TNFRSF6B: variants seen among roughly 807,000 people sequenced by gnomAD.
TNFRSF6B encodes tumor necrosis factor receptor superfamily member 6B.
A neutral mutation model predicts 17.9 loss-of-function variants in TNFRSF6B; 23 were observed. That is an observed-to-expected ratio of 1.28 (90% CI 0.92 to 1.82). The LOEUF (loss-of-function observed/expected upper bound fraction) is 1.82, where lower values mean the gene tolerates loss of function less well. Among genes scored for constraint, TNFRSF6B ranks in the 40% most tolerant of loss-of-function variants. The probability of loss-of-function intolerance (pLI) is 0.00; values close to 1 mark genes in which losing one functional copy is unlikely to be tolerated. For synonymous variants in TNFRSF6B, 291 were observed against 195.8 expected (o/e 1.49, Z -4.06); for missense variants, 555 against 437.2 (o/e 1.27, Z -2.40).
In TNFRSF6B at chr20:63,698,560, C is replaced by G. The variant is rs760930667; in HGVS notation, c.900C>G (p.His300Gln). The change falls in exon 3 of 3, where the codon CAC becomes CAG. Residue 300 changes from histidine (H) to glutamine (Q), a missense_variant. His to Gln is a conservative substitution (Grantham distance 24). Coordinates refer to ENST00000369996, the MANE Select transcript of TNFRSF6B (RefSeq NM_003823.4). Reference protein sequence around the residue: ...RSVRERFLPVH With the variant: ...RSVRERFLPVQ ...TCCGTGAGCGCTTCCTCCCTGTGCACTGATCCTGGCCCCCTCTTATTTATT... is the reference window on the plus strand; with the variant it reads ...TCCGTGAGCGCTTCCTCCCTGTGCAGTGATCCTGGCCCCCTCTTATTTATT... 4 of 1,501,690 alleles carry G rather than the reference C, an allele frequency of 2.7e-6. No homozygotes were observed. The highest frequency in any genetic ancestry group is 2.5e-5 in the Admixed American group (1 of 39,482). The allele number at this position is 1,501,690 out of a possible 1,614,324, so 93.0% of individuals were successfully genotyped here. A position where few individuals can be genotyped will look rare whatever the true frequency, so the allele number is the denominator to read the frequency against.
At position 63,696,835 on chromosome 20, in the gene TNFRSF6B, C is replaced by T. The variant is rs371926409; in HGVS notation, c.68C>T (p.Pro23Leu). The T allele has an allele frequency of 2.0e-5, 32 of 1,610,810 alleles. 1 individual carries two copies. Among genetic ancestry groups the T allele is most frequent in the South Asian group, 7.7e-5 (7 of 90,726 alleles). ...CLVLALPALLPVPAVRGVAET... is the reference protein window; with the variant it reads ...CLVLALPALLLVPAVRGVAET... Reference sequence around the variant, plus strand: ...GTGTTGGCGCTGCCTGCCCTGCTGCCGGTGCCGGCTGTACGCGGAGTGGCA... The same window carrying T: ...GTGTTGGCGCTGCCTGCCCTGCTGCTGGTGCCGGCTGTACGCGGAGTGGCA... The change falls in exon 1 of 3, where the codon CCG becomes CTG. Residue 23 changes from proline (P) to leucine (L), a missense_variant. Coordinates refer to ENST00000369996, the MANE Select transcript of TNFRSF6B (RefSeq NM_003823.4).
chr20:63,697,668 C>T (rs1339647590), intron 2 of TNFRSF6B, 146 bp downstream of exon 2: 2 of 875,136 alleles, frequency 2.3e-6, no homozygotes, highest in African/African-American at 3.4e-5. Flanking sequence ...AGGGGTCCCT[C>T]CACTAGATCC....
chr20:63,697,019 C>G lies in TNFRSF6B; in HGVS notation c.252C>G (p.Tyr84Ter). ...PPRHYTQFWNYLERCRYCNVL... is the reference protein window; with the variant it reads ...PPRHYTQFWN ...GCCACTACACGCAGTTCTGGAACTACCTAGAGCGCTGCCGCTACTGCAACG... is the reference window on the plus strand; with the variant it reads ...GCCACTACACGCAGTTCTGGAACTAGCTAGAGCGCTGCCGCTACTGCAACG... Residue 84 changes from tyrosine to a stop codon, truncating the protein, a stop_gained, in exon 1 of 3, where the codon TAC (tyrosine) becomes TAG (stop). Coordinates refer to ENST00000369996, the MANE Select transcript of TNFRSF6B (RefSeq NM_003823.4). LOFTEE classifies it high-confidence loss of function. 1.9e-6 allele frequency: 3 copies of G among 1,608,894 alleles called. No homozygotes were observed. The highest frequency in any genetic ancestry group is 2.5e-6 in the Non-Finnish European group (3 of 1,179,618).
chr20:63,697,422 C>T lies in TNFRSF6B; in HGVS notation c.519C>T (p.Asn173=), dbSNP rs1298988086. The part of the protein sequence containing the change: ...SSSEQCQPHR[N]CTALGLALNV... ...CAGAGCAGTGCCAGCCCCACCGCAA[C>T]TGCACGGCCCTGGGCCTGGCCCTCA... Residue 173 remains asparagine, a synonymous_variant, in exon 2 of 3, where the codon AAC becomes AAT. Transcript: ENST00000369996. 1.2e-6 allele frequency: 2 copies of T among 1,608,698 alleles called. No individual in the cohort carries two copies. The highest frequency in any genetic ancestry group is 1.7e-6 in the Non-Finnish European group (2 of 1,178,410).
chr20:63,698,178 T>G, intron 2 of TNFRSF6B, 102 bp from the exon 3 acceptor site: 9 of 1,443,126 alleles, frequency 6.2e-6, no homozygotes, highest in Non-Finnish European at 8.4e-6. Flanking sequence ...TTCTCTCTCC[T>G]GCAAACCCCC....
Position 63,698,385 on chromosome 20 carries a change from G to C in TNFRSF6B, c.725G>C (p.Trp242Ser), listed in dbSNP as rs748457267. 6.5e-5 allele frequency: 105 copies of C among 1,606,024 alleles called. No homozygotes were observed. The African/African-American group carries it at 9.7e-4, about 15-fold the overall frequency. ...CAGGCCCTCGAGGCCCCGGAGGGCT[G>C]GGGTCCGACACCAAGGGCGGGCCGC... ...LLQALEAPEG[W>S]GPTPRAGRAA... The change falls in exon 3 of 3, where the codon TGG becomes TCG. Residue 242 changes from tryptophan to serine, a missense_variant. Transcript: ENST00000369996.
In TNFRSF6B at chr20:63,697,142, C is replaced by T. The variant is rs756114452; in HGVS notation, c.375C>T (p.Phe125=). ...CRTGFFAHAG[F]CLEHASCPPG... is the part of the protein sequence containing the mutation. ...CCGGCTTCTTCGCGCACGCTGGTTTCTGCTTGGAGCACGCATCGTGTCCAC... is the reference window on the plus strand; with the variant it reads ...CCGGCTTCTTCGCGCACGCTGGTTTTTGCTTGGAGCACGCATCGTGTCCAC... Residue 125 remains phenylalanine, a synonymous_variant, in exon 1 of 3, where the codon TTC becomes TTT. Coordinates refer to ENST00000369996, the MANE Select transcript of TNFRSF6B (RefSeq NM_003823.4). 5 of 1,583,050 alleles carry T rather than the reference C, an allele frequency of 3.2e-6. No individual in the cohort carries two copies. In the South Asian group the frequency reaches 5.7e-5, roughly 18 times the overall value.
In TNFRSF6B at chr20:63,698,289, AGT is replaced by A. The variant is rs769164134; in HGVS notation, c.633_634del (p.Cys211Ter). The A allele has an allele frequency of 2.7e-5, 44 of 1,610,486 alleles. No individual in the cohort carries two copies. Among genetic ancestry groups the A allele is most frequent in the Admixed American group, 8.3e-5 (5 of 59,892 alleles). Reference sequence around the variant, plus strand: ...CCCCACCCCACTGCAGGAGCTGAGGAGTGTGAGCGTGCCGTCATCGACTTTGT... The same window carrying A: ...CCCCACCCCACTGCAGGAGCTGAGGAGTGAGCGTGCCGTCATCGACTTTGT... On this transcript the variant is annotated frameshift_variant, in exon 3 of 3. Transcript: ENST00000369996. LOFTEE classifies it low-confidence loss of function (END_TRUNC).
At position 63,696,935 on chromosome 20, in the gene TNFRSF6B, C is replaced by A. The variant is rs1459107461; in HGVS notation, c.168C>A (p.Thr56=). 1 of 1,610,084 alleles carries A rather than the reference C, an allele frequency of 6.2e-7. No homozygotes were observed. The highest frequency in any genetic ancestry group is 8.5e-7 in the Non-Finnish European group (1 of 1,179,014). The part of the protein sequence containing the change: ...RLVCAQCPPG[T]FVQRPCRRDS... ...TGTGCGCCCAGTGCCCCCCAGGCAC[C>A]TTTGTGCAGCGGCCGTGCCGCCGAG... Residue 56 remains threonine (T), a synonymous_variant, in exon 1 of 3, where the codon ACC becomes ACA. Transcript: ENST00000369996.
In TNFRSF6B at chr20:63,698,270, C is replaced by G; in HGVS notation, c.620-10C>G. The G allele has an allele frequency of 2.5e-6, 4 of 1,609,538 alleles. No homozygotes were observed. The highest frequency in any genetic ancestry group is 3.4e-6 in the Non-Finnish European group (4 of 1,178,666). ...AATGATCGGACCGCTGCCTCCCCACCCCACTGCAGGAGCTGAGGAGTGTGA... is the reference window on the plus strand; with the variant it reads ...AATGATCGGACCGCTGCCTCCCCACGCCACTGCAGGAGCTGAGGAGTGTGA... On this transcript the variant is annotated splice_polypyrimidine_tract_variant and intron_variant, in intron 2 of 2. Transcript: ENST00000369996.
chr20:63,697,493 C>T lies in TNFRSF6B; in HGVS notation c.590C>T (p.Thr197Ile), dbSNP rs1226205080. 27 of 1,562,280 alleles carry T rather than the reference C, an allele frequency of 1.7e-5. No homozygotes were observed. The highest frequency in any genetic ancestry group is 7.2e-5 in the East Asian group (3 of 41,712). ...CATGACACCCTGTGCACCAGCTGCA[C>T]TGGCTTCCCCCTCAGCACCAGGGTA... ...SSHDTLCTSC[T>I]GFPLSTRVPG... Residue 197 changes from threonine (T) to isoleucine (I), a missense_variant, in exon 2 of 3, where the codon ACT (threonine) becomes ATT (isoleucine). Thr to Ile is a moderately conservative substitution (Grantham distance 89, BLOSUM62 -1). Transcript: ENST00000369996.
Position 63,697,332 on chromosome 20 carries a change from C to T in TNFRSF6B, c.429C>T (p.Thr143=). ...PPGAGVIAPG[T]PSQNTQCQPC... ...GTTCTTCCCTCCTGGCTGCAGGCAC[C>T]CCCAGCCAGAACACGCAGTGCCAGC... is the stretch of plus-strand genomic sequence containing the variant. The change falls in exon 2 of 3, where the codon ACC becomes ACT. Residue 143 remains threonine (T), a synonymous_variant. Transcript: ENST00000369996. The T allele has an allele frequency of 6.2e-7, 1 of 1,604,180 alleles. No homozygotes were observed. The highest frequency in any genetic ancestry group is 8.5e-7 in the Non-Finnish European group (1 of 1,177,394).
In TNFRSF6B at chr20:63,697,394, G is replaced by C. The variant is rs369763471; in HGVS notation, c.491G>C (p.Ser164Thr). 10 of 1,611,706 alleles carry C rather than the reference G, an allele frequency of 6.2e-6. No homozygotes were observed. Among genetic ancestry groups the C allele is most frequent in the Non-Finnish European group, 8.5e-6 (10 of 1,179,604 alleles). The part of the protein sequence containing the change: ...PPGTFSASSS[S>T]SEQCQPHRNC... Reference sequence around the variant, plus strand: ...GGCACCTTCTCAGCCAGCAGCTCCAGCTCAGAGCAGTGCCAGCCCCACCGC... The same window carrying C: ...GGCACCTTCTCAGCCAGCAGCTCCACCTCAGAGCAGTGCCAGCCCCACCGC... Residue 164 changes from serine to threonine, a missense_variant, in exon 2 of 3, where the codon AGC becomes ACC. Physicochemically the swap from Ser to Thr is moderately conservative, Grantham distance 58. Coordinates refer to ENST00000369996, the MANE Select transcript of TNFRSF6B (RefSeq NM_003823.4).
Position 63,696,831 on chromosome 20 carries a change from C to T in TNFRSF6B, c.64C>T (p.Leu22=). ...CCTGGTGTTGGCGCTGCCTGCCCTGCTGCCGGTGCCGGCTGTACGCGGAGT... is the reference window on the plus strand; with the variant it reads ...CCTGGTGTTGGCGCTGCCTGCCCTGTTGCCGGTGCCGGCTGTACGCGGAGT... ...LCLVLALPAL[L]PVPAVRGVAE... Residue 22 remains leucine, a synonymous_variant, in exon 1 of 3, where the codon CTG becomes TTG. Coordinates refer to ENST00000369996, the MANE Select transcript of TNFRSF6B (RefSeq NM_003823.4). The T allele has an allele frequency of 3.7e-6, 6 of 1,610,550 alleles. No individual in the cohort carries two copies. The highest frequency in any genetic ancestry group is 5.1e-6 in the Non-Finnish European group (6 of 1,179,016).
At position 63,698,349 on chromosome 20, in the gene TNFRSF6B, AGCGGCTGCT is replaced by A. The variant is rs1156594484; in HGVS notation, c.692_700del (p.Arg231_Leu233del). 1.2e-6 allele frequency: 2 copies of A among 1,611,234 alleles called. No individual in the cohort carries two copies. Among genetic ancestry groups the A allele is most frequent in the Non-Finnish European group, 1.7e-6 (2 of 1,179,330 alleles). On this transcript the variant is annotated inframe_deletion, in exon 3 of 3. Transcript: ENST00000369996. Reference sequence around the variant, plus strand: ...CAGGACATCTCCATCAAGAGGCTGCAGCGGCTGCTGCAGGCCCTCGAGGCCCCGGAGGGC... The same window carrying A: ...CAGGACATCTCCATCAAGAGGCTGCAGCAGGCCCTCGAGGCCCCGGAGGGC...
At chr20:63,697,635 G>A (rs557416143) in intron 2 of TNFRSF6B, 113 bp downstream of exon 2, 91 of 1,201,216 alleles carry the variant, frequency 7.6e-5, no homozygotes, top group Middle Eastern at 2.8e-4. Context: ...TCTGGGAAGG[G>A]GCCACAGTGG....
intron 2 of TNFRSF6B, 104 bp from the exon 3 acceptor site, chr20:63,698,168 TTCTCTCTC>T (rs2091025418): frequency 7.3e-7 from 1 of 1,370,422 alleles, no homozygotes; most frequent in East Asian, 2.6e-5. Context: ...GCACAGGGAT[TTCTCTCTC>T]CTGCAAACCC....
chr20:63,697,649 T>A, intron 2 of TNFRSF6B, 127 bp downstream of exon 2: 1 of 1,088,136 alleles, frequency 9.2e-7, no homozygotes, highest in South Asian at 1.7e-5. Context: ...ACAGTGGATT[T>A]GAGGGGTCAG....
Position 63,698,318 on chromosome 20 carries a change from G to A in TNFRSF6B, c.658G>A (p.Ala220Thr), listed in dbSNP as rs770991648. The change falls in exon 3 of 3, where the codon GCT becomes ACT. Residue 220 changes from alanine (A) to threonine (T), a missense_variant. By Grantham distance (58) the Ala-to-Thr change is moderately conservative. Transcript: ENST00000369996. ...TGAGCGTGCCGTCATCGACTTTGTG[G>A]CTTTCCAGGACATCTCCATCAAGAG... ...ECERAVIDFV[A>T]FQDISIKRLQ... 6.2e-7 allele frequency: 1 copy of A among 1,611,364 alleles called. No individual in the cohort carries two copies. Among genetic ancestry groups the A allele is most frequent in the South Asian group, 1.1e-5 (1 of 91,054 alleles).
Sources: allele counts gnomAD v4.1 joint callset, GRCh38; gene constraint gnomAD v4.1.1; transcripts MANE v1.5; gene names NCBI Gene and HGNC (gene_info 2026-07-23, HGNC 2026-07-21).